PAPSS1: variants seen among roughly 807,000 people sequenced by gnomAD.
PAPSS1 encodes the protein 3'-phosphoadenosine 5'-phosphosulfate synthase 1, also known as bifunctional 3'-phosphoadenosine 5'-phosphosulfate synthase 1.
Under a neutral mutation model 72.0 loss-of-function variants are expected in PAPSS1, and 50 were observed. The ratio of observed to expected loss-of-function variants is 0.69; its 90% confidence interval spans 0.55 to 0.88. PAPSS1 has a LOEUF of 0.88. Ranked by LOEUF, PAPSS1 falls within the 40% of genes least tolerant of loss-of-function variation. The pLI is 0.00. For missense variants in PAPSS1, 657 were observed against 782.2 expected, an observed-to-expected ratio of 0.84 and a Z score of 1.91; for synonymous variants, 261 against 263.6, an observed-to-expected ratio of 0.99 and a Z score of 0.09.
At chr4:107,636,290 A>G (rs1726379856) in intron 10 of PAPSS1, among the ~76,000 whole-genome samples, 1 of 152,228 alleles carries the variant, frequency 6.6e-6, no homozygotes, top group Admixed American at 6.5e-5. Flanking sequence ...ATCATTTAAA[A>G]AAAGATCAAT....
At chr4:107,631,576 G>T in intron 11 of PAPSS1, 55 bp downstream of exon 11, 1 of 1,232,762 alleles carries the variant, frequency 8.1e-7, no homozygotes. Context: ...AAATCCCTGG[G>T]AGCAGCTAGA....
At chr4:107,692,718 A>G (rs1394774012) in intron 3 of PAPSS1, among the ~76,000 whole-genome samples, 1 of 152,102 alleles carries the variant, frequency 6.6e-6, no homozygotes, top group Non-Finnish European at 1.5e-5. Context: ...CACAGTAGCA[A>G]AGACATAGAA....
chr4:107,691,838 C>T (rs777798295), intron 3 of PAPSS1, among the ~76,000 whole-genome samples: 48 of 152,294 alleles, frequency 3.2e-4, no homozygotes, highest in Non-Finnish European at 6.0e-4. Context: ...ATTACCACTA[C>T]AGCTACTATC....
chr4:107,666,227 G>A (rs1265074680), intron 5 of PAPSS1, among the ~76,000 whole-genome samples: 1 of 152,098 alleles, frequency 6.6e-6, no homozygotes, highest in Non-Finnish European at 1.5e-5. Flanking sequence ...AGTAAATCTA[G>A]AGTTCCTGGT....
Position 107,637,245 on chromosome 4 carries a change from T to C in PAPSS1, c.1507-5385A>G, listed in dbSNP as rs117314461. ...AAGAGTTTCTTAACCTTTTAATTCA[T>C]GCCCCTTTTTATAAACCTGAAAATC... is the stretch of plus-strand genomic sequence containing the variant. On this transcript the variant is annotated intron_variant, in intron 10 of 11. Transcript: ENST00000265174. Among the ~76,000 whole-genome samples, 57 of 152,340 alleles carry C rather than the reference T, an allele frequency of 3.7e-4. 1 individual carries two copies. In the East Asian group the frequency reaches 0.01, roughly 27 times the overall value.
intron 1 of PAPSS1, among the ~76,000 whole-genome samples, chr4:107,717,566 G>A (rs1723670751): frequency 6.6e-6 from 1 of 152,134 alleles, no homozygotes; most frequent in South Asian, 2.1e-4. Context: ...CCAGATTTCA[G>A]CCCAGGCAGT....
Position 107,645,028 on chromosome 4 carries a change from C to T in PAPSS1, c.1280G>A (p.Gly427Glu). The change falls in exon 10 of 12, where the codon GGA (glycine) becomes GAA (glutamate). Residue 427 changes from glycine to glutamate, a missense_variant. Physicochemically the swap from Gly to Glu is moderately conservative, Grantham distance 98. This residue lies in a region of PAPSS1 where 166 missense variants were observed against 228.3 expected (regional missense o/e 0.73). Coordinates refer to ENST00000265174, the MANE Select transcript of PAPSS1 (RefSeq NM_005443.5). ...GGTATCCTGCATTAACAGGGCATGTCCATTGTGCACTGGGTTGCGTAGTTG... is the reference window on the plus strand; with the variant it reads ...GGTATCCTGCATTAACAGGGCATGTTCATTGTGCACTGGGTTGCGTAGTTG... The part of the protein sequence containing the change: ...AFQLRNPVHN[G>E]HALLMQDTHK... The T allele has an allele frequency of 6.2e-7, 1 of 1,600,626 alleles. No individual in the cohort carries two copies. Among genetic ancestry groups the T allele is most frequent in the Non-Finnish European group, 8.5e-7 (1 of 1,172,998 alleles).
chr4:107,677,197 A>T (rs1485290550), intron 5 of PAPSS1, among the ~76,000 whole-genome samples: 1 of 152,204 alleles, frequency 6.6e-6, no homozygotes, highest in Non-Finnish European at 1.5e-5. Flanking sequence ...GATCTAATTA[A>T]ACTCAAGAGC....
chr4:107,674,846 G>T (rs1233403337), intron 5 of PAPSS1, among the ~76,000 whole-genome samples: 1 of 152,178 alleles, frequency 6.6e-6, no homozygotes, highest in South Asian at 2.1e-4. Flanking sequence ...TCAGACCACA[G>T]TGCAATCAAA....
intron 1 of PAPSS1, among the ~76,000 whole-genome samples, chr4:107,705,859 T>G (rs912145624): frequency 6.6e-6 from 1 of 152,214 alleles, no homozygotes; most frequent in Non-Finnish European, 1.5e-5. Flanking sequence ...TGTCTGGTAG[T>G]GATGAACTCC....
At chr4:107,619,236 G>C (rs553916585) in intron 11 of PAPSS1, among the ~76,000 whole-genome samples, 1 of 152,230 alleles carries the variant, frequency 6.6e-6, no homozygotes, top group African/African-American at 2.4e-5. Context: ...AAGTTTGCTT[G>C]CATTCCTTCT....
chr4:107,715,549 CCTT>C (rs1169654165), intron 1 of PAPSS1, among the ~76,000 whole-genome samples: 2 of 152,194 alleles, frequency 1.3e-5, no homozygotes, highest in Admixed American at 6.5e-5. Context: ...GTGCTGCTGG[CCTT>C]CTACGAAAAA....
At chr4:107,677,670 A>G (rs1727691679) in intron 5 of PAPSS1, among the ~76,000 whole-genome samples, 1 of 152,206 alleles carries the variant, frequency 6.6e-6, no homozygotes, top group Non-Finnish European at 1.5e-5. Flanking sequence ...ATTGGACCCA[A>G]CAATCCCATT....
At chr4:107,622,033 T>C (rs1725978541) in intron 11 of PAPSS1, among the ~76,000 whole-genome samples, 1 of 152,166 alleles carries the variant, frequency 6.6e-6, no homozygotes, top group African/African-American at 2.4e-5. Context: ...GCTCTACATA[T>C]GCATTAGGGA....
chr4:107,640,541 A>C (rs1038484164), intron 10 of PAPSS1, among the ~76,000 whole-genome samples: 1 of 152,202 alleles, frequency 6.6e-6, no homozygotes, highest in Non-Finnish European at 1.5e-5. Flanking sequence ...TCACTGGAAA[A>C]GCTACAAAAA....
intron 5 of PAPSS1, among the ~76,000 whole-genome samples, chr4:107,665,887 G>A (rs1445069103): frequency 2.0e-5 from 3 of 152,166 alleles, no homozygotes; most frequent in Middle Eastern, 3.4e-3. Context: ...GGTAGCTCTC[G>A]CCTCTCATTT....
intron 2 of PAPSS1, among the ~76,000 whole-genome samples, chr4:107,695,170 A>G (rs1253474577): frequency 1.3e-5 from 2 of 152,158 alleles, no homozygotes; most frequent in Non-Finnish European, 2.9e-5. Context: ...TATTTCCTTC[A>G]GCAGTGGTTT....
intron 11 of PAPSS1, among the ~76,000 whole-genome samples, chr4:107,628,865 A>G (rs1486208328): frequency 6.6e-6 from 1 of 152,244 alleles, no homozygotes; most frequent in Admixed American, 6.5e-5. Flanking sequence ...CAAGTTATAT[A>G]GCAAGGACAG....
chr4:107,617,971 T>A (rs1315820710), intron 11 of PAPSS1, among the ~76,000 whole-genome samples: 1 of 152,108 alleles, frequency 6.6e-6, no homozygotes, highest in African/African-American at 2.4e-5. Flanking sequence ...TTACTGCATG[T>A]GAAATGAGCC....
Sources: allele counts gnomAD v4.1 joint callset (sites outside exome capture counted in the v4.1 genomes callset), GRCh38; gene constraint gnomAD v4.1.1; regional missense constraint gnomAD v4.1.1; transcripts MANE v1.5; gene names NCBI Gene and HGNC (gene_info 2026-07-23, HGNC 2026-07-21).